The following TNR variants were observed in gnomAD, a reference collection of about 807,000 sequenced individuals.
The protein encoded by TNR is tenascin-R.
A neutral mutation model predicts 150.4 loss-of-function variants in TNR; 45 were observed. The observed-to-expected ratio is 0.30, with a 90% CI of 0.24 to 0.38. The LOEUF (loss-of-function observed/expected upper bound fraction) is 0.38, where lower values mean the gene tolerates loss of function less well. Ranked by LOEUF, TNR falls within the 10% of genes least tolerant of loss-of-function variation. The probability of loss-of-function intolerance (pLI) is 1.00; values close to 1 mark genes in which losing one functional copy is unlikely to be tolerated. For synonymous variants in TNR, 687 were observed against 678.4 expected (o/e 1.01, Z -0.20); for missense variants, 1,544 against 1,759.1 (o/e 0.88, Z 2.19).
At chr1:175,504,896 T>G (rs1417322793) in intron 2 of TNR, among the ~76,000 whole-genome samples, 2 of 151,996 alleles carry the variant, frequency 1.3e-5, no homozygotes, top group Non-Finnish European at 2.9e-5. Context: ...AAGAAGAAAT[T>G]TGGACACAAG....
chr1:175,665,001 G>A (rs1229381759), intron 1 of TNR, among the ~76,000 whole-genome samples: 1 of 152,216 alleles, frequency 6.6e-6, no homozygotes, highest in African/African-American at 2.4e-5. Context: ...AATCTGAAGA[G>A]GGTGAATCTA....
intron 9 of TNR, among the ~76,000 whole-genome samples, chr1:175,371,328 T>C (rs1652096680): frequency 6.6e-6 from 1 of 152,152 alleles, no homozygotes. Context: ...AACTTGGAGG[T>C]TGATGCTTTT....
Position 175,328,782 on chromosome 1 carries a change from C to T in TNR, c.3793+1292G>A, listed in dbSNP as rs373156180. On this transcript the variant is annotated intron_variant, in intron 21 of 22. Coordinates refer to ENST00000367674, the MANE Select transcript of TNR (RefSeq NM_003285.3). ...GAGCAAGGGCCAGGCCCAAGCAAGG[C>T]AGATGAAAGCACAGGCGGATGAAGA... Among the ~76,000 whole-genome samples, 138 of 152,140 alleles carry T rather than the reference C, an allele frequency of 9.1e-4. 2 individuals carry two copies. The highest frequency in any genetic ancestry group is 3.2e-3 in the African/African-American group (131 of 41,456).
At position 175,719,434 on chromosome 1, in the gene TNR, T is replaced by C. The variant is rs546245165; in HGVS notation, c.-165+23792A>G. On this transcript the variant is annotated intron_variant, in intron 1 of 22. Transcript: ENST00000367674. ...CATCAGAGTCTTGACTGCAGAGTTT[T>C]GAGCCGAGGTTCCCAGCTGCCATCA... Among the ~76,000 whole-genome samples the C allele has an allele frequency of 7.0e-4, 106 of 152,330 alleles. 1 individual carries two copies. Among genetic ancestry groups the C allele is most frequent in the South Asian group, 6.8e-3 (33 of 4,822 alleles).
chr1:175,719,329 C>T (rs1667238807), intron 1 of TNR, among the ~76,000 whole-genome samples: 1 of 152,170 alleles, frequency 6.6e-6, no homozygotes, highest in South Asian at 2.1e-4. Flanking sequence ...CTCACCCCTC[C>T]CCCATCCACA....
At chr1:175,531,579 C>G (rs1327543681) in intron 1 of TNR, among the ~76,000 whole-genome samples, 5 of 152,222 alleles carry the variant, frequency 3.3e-5, no homozygotes, top group Admixed American at 2.0e-4. Context: ...AAGTGGCACC[C>G]CAAGAGACAT....
At chr1:175,360,250 C>A (rs1416051077) in intron 14 of TNR, among the ~76,000 whole-genome samples, 1 of 152,170 alleles carries the variant, frequency 6.6e-6, no homozygotes, top group Non-Finnish European at 1.5e-5. Flanking sequence ...GGACAGAGAA[C>A]ATAGAAGATC....
intron 1 of TNR, among the ~76,000 whole-genome samples, chr1:175,734,944 C>T (rs1667731570): frequency 6.6e-6 from 1 of 152,210 alleles, no homozygotes; most frequent in South Asian, 2.1e-4. Context: ...AGTGTAGATA[C>T]AGATGAAGTA....
chr1:175,618,630 A>G (rs1237183148), intron 1 of TNR, among the ~76,000 whole-genome samples: 9 of 152,186 alleles, frequency 5.9e-5, no homozygotes, highest in Non-Finnish European at 1.3e-4. Flanking sequence ...GGAGTAGGGC[A>G]CTGCTTTGCT....
At chr1:175,376,010 CCT>C (rs1652360183) in intron 9 of TNR, among the ~76,000 whole-genome samples, 1 of 152,090 alleles carries the variant, frequency 6.6e-6, no homozygotes, top group Non-Finnish European at 1.5e-5. Context: ...TGGTCTCCCC[CCT>C]GAGTGGGGTA....
chr1:175,517,427 G>C (rs1659459994), intron 2 of TNR, among the ~76,000 whole-genome samples: 1 of 152,124 alleles, frequency 6.6e-6, no homozygotes, highest in Admixed American at 6.5e-5. Flanking sequence ...CCACTGTGAG[G>C]ACTGATCTCA....
At chr1:175,327,119 C>G (rs1273937334) in intron 21 of TNR, among the ~76,000 whole-genome samples, 1 of 152,142 alleles carries the variant, frequency 6.6e-6, no homozygotes, top group African/African-American at 2.4e-5. Flanking sequence ...ATCCTATCTT[C>G]TCACTCCCTG....
At chr1:175,726,964 AG>A (rs1200849858) in intron 1 of TNR, among the ~76,000 whole-genome samples, 11 of 152,270 alleles carry the variant, frequency 7.2e-5, no homozygotes, top group African/African-American at 2.4e-4. Context: ...AAGGAGTGAC[AG>A]CCAAGCAGAA....
chr1:175,698,063 C>T (rs72727611), intron 1 of TNR, among the ~76,000 whole-genome samples: 1 of 152,226 alleles, frequency 6.6e-6, no homozygotes, highest in African/African-American at 2.4e-5. Flanking sequence ...CTGTGTTTCT[C>T]TCATTAGCTG....
intron 1 of TNR, among the ~76,000 whole-genome samples, chr1:175,701,109 T>G (rs940903302): frequency 1.3e-5 from 2 of 152,244 alleles, no homozygotes; most frequent in African/African-American, 4.8e-5. Flanking sequence ...TTTTTATGCC[T>G]GCTGCCAAAA....
At chr1:175,447,227 G>C (rs936092243) in intron 2 of TNR, among the ~76,000 whole-genome samples, 5 of 152,070 alleles carry the variant, frequency 3.3e-5, no homozygotes, top group Admixed American at 6.5e-5. Flanking sequence ...GGGTGAGGAG[G>C]GGGTGGGGAG....
chr1:175,533,000 G>T (rs965947140), intron 1 of TNR, among the ~76,000 whole-genome samples: 1 of 152,196 alleles, frequency 6.6e-6, no homozygotes, highest in African/African-American at 2.4e-5. Context: ...CTGCAGAAGG[G>T]TATGAATGCC....
chr1:175,618,555 C>G (rs1371245044), intron 1 of TNR, among the ~76,000 whole-genome samples: 1 of 152,192 alleles, frequency 6.6e-6, no homozygotes, highest in Non-Finnish European at 1.5e-5. Context: ...TCTGCCCCAA[C>G]TGGCTAAGAT....
intron 2 of TNR, among the ~76,000 whole-genome samples, chr1:175,514,775 C>A (rs1659332496): frequency 6.6e-6 from 1 of 152,212 alleles, no homozygotes; most frequent in South Asian, 2.1e-4. Flanking sequence ...TCTGATGAAG[C>A]ACAGCATGAT....
Sources: gnomAD v4.1 joint callset for allele counts (sites outside exome capture counted in the v4.1 genomes callset) on GRCh38, gnomAD v4.1.1 for gene constraint, MANE v1.5 for transcripts, NCBI Gene and HGNC (gene_info 2026-07-23, HGNC 2026-07-21) for gene names.